Variants in PARD3 observed in about 807,000 individuals in gnomAD.
PARD3 encodes partitioning defective 3 homolog.
PARD3 carries 75 observed loss-of-function variants against 155.4 expected under a neutral mutation model. That is an observed-to-expected ratio of 0.48 (90% CI 0.40 to 0.58). PARD3 has a LOEUF of 0.58. PARD3 is among the 20% of genes least tolerant of loss of function. PARD3 has a pLI of 0.00. For missense variants in PARD3, 1,642 were observed against 1,721.7 expected (o/e 0.95, Z 0.82); for synonymous variants, 576 against 610.5 (o/e 0.94, Z 0.83).
chr10:34,279,703 A>C (rs960153766), intron 21 of PARD3, among the ~76,000 whole-genome samples: 3 of 152,170 alleles, frequency 2.0e-5, no homozygotes, highest in African/African-American at 7.2e-5. Flanking sequence ...GAAAGAGAGG[A>C]AACGGCATGC....
chr10:34,764,659 A>G (rs981824381), intron 1 of PARD3, among the ~76,000 whole-genome samples: 4 of 139,394 alleles, frequency 2.9e-5, no homozygotes, highest in African/African-American at 1.2e-4. Flanking sequence ...AAACATTACT[A>G]AAAAAAAAAA....
intron 22 of PARD3, among the ~76,000 whole-genome samples, chr10:34,187,034 G>A (rs537247868): frequency 6.6e-6 from 1 of 152,298 alleles, no homozygotes; most frequent in Admixed American, 6.5e-5. Flanking sequence ...GTGCTTAAGA[G>A]CATTACCTTC....
intron 22 of PARD3, among the ~76,000 whole-genome samples, chr10:34,139,842 T>A (rs1298366227): frequency 1.3e-5 from 2 of 152,206 alleles, no homozygotes; most frequent in Admixed American, 6.5e-5. Flanking sequence ...TAAATGTCAC[T>A]GAACTAAAAA....
intron 2 of PARD3, among the ~76,000 whole-genome samples, chr10:34,656,189 T>C (rs899589102): frequency 3.3e-5 from 5 of 152,192 alleles, no homozygotes; most frequent in Non-Finnish European, 5.9e-5. Flanking sequence ...AAAATTGTAA[T>C]GTTAATGGGC....
chr10:34,548,967 A>G (rs967542468), intron 2 of PARD3, among the ~76,000 whole-genome samples: 4 of 152,228 alleles, frequency 2.6e-5, no homozygotes, highest in Admixed American at 2.0e-4. Context: ...CAAATCAAAC[A>G]GTGGCTGCCC....
chr10:34,147,397 T>C (rs1948566059), intron 22 of PARD3, among the ~76,000 whole-genome samples: 1 of 152,010 alleles, frequency 6.6e-6, no homozygotes, highest in South Asian at 2.1e-4. Context: ...TCTTTACTAT[T>C]GTGGCAGAGT....
At position 34,814,857 on chromosome 10, in the gene PARD3, C is replaced by T. The variant is rs979327383; in HGVS notation, c.120+19G>A. The stretch of plus-strand genomic sequence containing the variant: ...TCCCCGCCGCCGCCCCCTCCCCGCC[C>T]GCGCCCCCGGCCCCTCACCTTGGCG... On this transcript the variant is annotated intron_variant, in intron 1 of 24. Coordinates refer to ENST00000374788, the MANE Select transcript of PARD3 (RefSeq NM_001184785.2). 2.0e-6 allele frequency: 3 copies of T among 1,474,140 alleles called. No individual in the cohort carries two copies. The highest frequency in any genetic ancestry group is 2.9e-5 in the African/African-American group (2 of 68,562). 91.3% of individuals were successfully genotyped at this position (1,474,140 alleles called of 1,614,324 possible).
chr10:34,422,585 AAAAAG>A (rs1233390311), intron 5 of PARD3, among the ~76,000 whole-genome samples: 1 of 152,180 alleles, frequency 6.6e-6, no homozygotes, highest in African/African-American at 2.4e-5. Flanking sequence ...GCAACTTAAC[AAAAAG>A]AAAACAAATA....
chr10:34,338,923 A>C (rs1218433436), intron 16 of PARD3, among the ~76,000 whole-genome samples: 1 of 152,188 alleles, frequency 6.6e-6, no homozygotes, highest in Non-Finnish European at 1.5e-5. Flanking sequence ...GTCATCACCC[A>C]ATGAAGACTA....
intron 20 of PARD3, among the ~76,000 whole-genome samples, chr10:34,308,999 G>A (rs1387528699): frequency 6.6e-6 from 1 of 152,096 alleles, no homozygotes; most frequent in South Asian, 2.1e-4. Flanking sequence ...ACCACGATGA[G>A]GGATGAAAAT....
intron 22 of PARD3, among the ~76,000 whole-genome samples, chr10:34,269,278 T>C (rs570428065): frequency 6.6e-6 from 1 of 152,304 alleles, no homozygotes; most frequent in Non-Finnish European, 1.5e-5. Flanking sequence ...GAACAAATCA[T>C]GTCATTCCCC....
intron 22 of PARD3, among the ~76,000 whole-genome samples, chr10:34,224,674 T>C (rs1371763037): frequency 3.9e-5 from 6 of 152,130 alleles, no homozygotes; most frequent in Non-Finnish European, 5.9e-5. Context: ...CTGCAATCAA[T>C]AGGGGGCCAT....
chr10:34,417,672 A>G (rs1845800476), intron 5 of PARD3, among the ~76,000 whole-genome samples: 1 of 152,216 alleles, frequency 6.6e-6, no homozygotes, highest in Non-Finnish European at 1.5e-5. Flanking sequence ...ATGGTTTTCA[A>G]TTACCAACTG....
At chr10:34,578,581 C>G (rs924270565) in intron 2 of PARD3, among the ~76,000 whole-genome samples, 1 of 152,226 alleles carries the variant, frequency 6.6e-6, no homozygotes, top group Non-Finnish European at 1.5e-5. Context: ...TTTAACCTGA[C>G]AACTCAGAGG....
intron 2 of PARD3, among the ~76,000 whole-genome samples, chr10:34,648,770 T>C (rs897802838): frequency 6.6e-6 from 1 of 152,122 alleles, no homozygotes; most frequent in African/African-American, 2.4e-5. Flanking sequence ...ATATAAACAA[T>C]ACTACACAAT....
chr10:34,525,709 G>A (rs2082426317), intron 2 of PARD3, among the ~76,000 whole-genome samples: 2 of 152,030 alleles, frequency 1.3e-5, no homozygotes, highest in South Asian at 2.1e-4. Context: ...TCTGCAGTAG[G>A]GATTTTGCTT....
chr10:34,651,809 C>G (rs761618711), intron 2 of PARD3, among the ~76,000 whole-genome samples: 11 of 152,158 alleles, frequency 7.2e-5, no homozygotes, highest in Non-Finnish European at 1.6e-4. Flanking sequence ...CTTTGGATTT[C>G]GACACAATTA....
chr10:34,331,653 A>C (rs1356610191), intron 18 of PARD3, among the ~76,000 whole-genome samples: 11 of 152,338 alleles, frequency 7.2e-5, no homozygotes, highest in South Asian at 4.1e-4. Flanking sequence ...GAATAATCTA[A>C]AAGAACCAGA....
chr10:34,163,240 A>G (rs1383583613), intron 22 of PARD3, among the ~76,000 whole-genome samples: 1 of 151,874 alleles, frequency 6.6e-6, no homozygotes, highest in African/African-American at 2.4e-5. Context: ...GTTCCCGGCC[A>G]CTCCACAGCC....
Sources: gnomAD v4.1 joint callset for allele counts (sites outside exome capture counted in the v4.1 genomes callset) on GRCh38, gnomAD v4.1.1 for gene constraint, MANE v1.5 for transcripts, NCBI Gene and HGNC (gene_info 2026-07-23, HGNC 2026-07-21) for gene names.